The following CEP152 variants were observed in gnomAD, a reference collection of about 807,000 sequenced individuals.
The protein encoded by CEP152 is centrosomal protein of 152 kDa.
Under a neutral mutation model 188.9 loss-of-function variants are expected in CEP152, and 132 were observed. The ratio of observed to expected loss-of-function variants is 0.70; its 90% CI spans 0.61 to 0.81. The LOEUF is 0.81. Ranked by LOEUF, CEP152 falls within the 30% of genes least tolerant of loss-of-function variation. The pLI is 0.00. For synonymous variants in CEP152, 649 were observed against 666.6 expected (o/e 0.97, Z 0.41); for missense variants, 1,914 against 1,969.8 (o/e 0.97, Z 0.54).
At chr15:48,777,709 A>C (rs528968729) in intron 12 of CEP152, among the ~76,000 whole-genome samples, 1 of 152,268 alleles carries the variant, frequency 6.6e-6, no homozygotes, top group South Asian at 2.1e-4. Flanking sequence ...GAAATATAAA[A>C]TATTTTACAA....
At chr15:48,729,360 A>G (rs1251073331) in intron 2 of CEP152, 4 of 152,158 alleles carry the variant, frequency 2.6e-5, no homozygotes, top group African/African-American at 9.7e-5. Flanking sequence ...ACATAGCGAG[A>G]CACTGTGTCT....
chr15:48,747,013 G>C (rs1278417431), intron 22 of CEP152, among the ~76,000 whole-genome samples: 1 of 152,208 alleles, frequency 6.6e-6, no homozygotes, highest in Non-Finnish European at 1.5e-5. Flanking sequence ...CAAGGTTGAA[G>C]GGGCTGGCAG....
Position 48,783,871 on chromosome 15 carries a change from T to G in CEP152, c.1321+102A>C, listed in dbSNP as rs1222510713. 36 of 1,156,524 alleles carry G rather than the reference T, an allele frequency of 3.1e-5. No homozygotes were observed. The East Asian group carries it at 8.4e-4, about 27-fold the overall frequency. 71.6% of individuals were successfully genotyped at this position (1,156,524 alleles called of 1,614,324 possible). A position where few individuals can be genotyped will look rare whatever the true frequency, so the allele number is the denominator to read the frequency against. On this transcript the variant is annotated intron_variant, in intron 10 of 26. Coordinates refer to ENST00000380950, the MANE Select transcript of CEP152 (RefSeq NM_001194998.2). ...TAAAGAAATTTATTGCTGATTGTGT[T>G]TTCTGTCCCTTCTGGATTTTTACAA... is the stretch of plus-strand genomic sequence containing the variant.
intron 2 of CEP152, chr15:48,729,765 T>C (rs538233078): frequency 3.3e-5 from 5 of 152,250 alleles, no homozygotes; most frequent in African/African-American, 9.6e-5. Context: ...TACATATGTA[T>C]ATTTACAGAC....
chr15:48,744,597 ATATC>A (rs1893271376), intron 23 of CEP152, among the ~76,000 whole-genome samples: 1 of 152,188 alleles, frequency 6.6e-6, no homozygotes, highest in Non-Finnish European at 1.5e-5. Context: ...ATGTAGGAGA[ATATC>A]TAATAACATG....
At chr15:48,783,950 C>G (rs749941699) in intron 10 of CEP152, 23 bp downstream of exon 10, 2 of 1,613,432 alleles carry the variant, frequency 1.2e-6, no homozygotes, top group South Asian at 2.2e-5. Flanking sequence ...TCTGGGGAGA[C>G]AGTGGACCTA....
At chr15:48,753,681 G>C (rs1894053458) in intron 20 of CEP152, among the ~76,000 whole-genome samples, 1 of 152,120 alleles carries the variant, frequency 6.6e-6, no homozygotes, top group African/African-American at 2.4e-5. Context: ...AGGGAGAAAA[G>C]CAACAACCTT....
intron 7 of CEP152, among the ~76,000 whole-genome samples, chr15:48,792,806 C>T (rs967055945): frequency 1.3e-5 from 2 of 151,470 alleles, no homozygotes; most frequent in African/African-American, 4.8e-5. Flanking sequence ...TATAGGGACT[C>T]CAAAATAGAG....
At position 48,739,124 on chromosome 15, in the gene CEP152, G is replaced by A. The variant is rs772898403; in HGVS notation, c.4258C>T (p.Gln1420Ter). Reference sequence around the variant, plus strand: ...TGCTCTGAGTTCTCTAACAGCCTTTGTAAGTTACAAGCTGCCCTCCTCTTG... The same window carrying A: ...TGCTCTGAGTTCTCTAACAGCCTTTATAAGTTACAAGCTGCCCTCCTCTTG... ...APKRRAACNL[Q>*]RLLENSEHQS... The change falls in exon 27 of 27, where the codon CAA becomes TAA. Residue 1420 changes from glutamine (Q) to a stop codon, truncating the protein, a stop_gained. Transcript: ENST00000380950. LOFTEE classifies it low-confidence loss of function (END_TRUNC). The A allele has an allele frequency of 6.2e-7, 1 of 1,614,204 alleles. No individual in the cohort carries two copies. Among genetic ancestry groups the A allele is most frequent in the South Asian group, 1.1e-5 (1 of 91,086 alleles).
At chr15:48,760,412 C>T in intron 18 of CEP152, 146 bp from the exon 19 acceptor site, 1 of 917,776 alleles carries the variant, frequency 1.1e-6, no homozygotes, top group Non-Finnish European at 1.7e-6. Flanking sequence ...CCCTACCTAT[C>T]CCAAACAGTG....
At position 48,769,156 on chromosome 15, in the gene CEP152, T is replaced by A; in HGVS notation, c.1783-75A>T. On this transcript the variant is annotated intron_variant, in intron 13 of 26. Coordinates refer to ENST00000380950, the MANE Select transcript of CEP152 (RefSeq NM_001194998.2). ...TTCACTTTGAAATACTTCCATACTT[T>A]AAAAAAATTGCAAACAGTACAAATA... 3.9e-6 allele frequency: 5 copies of A among 1,267,792 alleles called. No individual in the cohort carries two copies. In the East Asian group the frequency reaches 1.2e-4, roughly 30 times the overall value. The allele number at this position is 1,267,792 out of a possible 1,614,324, so 78.5% of individuals were successfully genotyped here. A position where few individuals can be genotyped will look rare whatever the true frequency, so the allele number is the denominator to read the frequency against.
chr15:48,746,738 T>C (rs191305973), intron 22 of CEP152, among the ~76,000 whole-genome samples: 1 of 152,266 alleles, frequency 6.6e-6, no homozygotes. Flanking sequence ...CTATAAAGAC[T>C]ACACTCCAAA....
In CEP152 at chr15:48,752,476, TA is replaced by T. The variant is rs775546461; in HGVS notation, c.3346-8del. ...AGAGCTCGGCCATATTTCTCTGAAA[TA>T]AAGTATCTTCAAAGTTAATGCTTAG... On this transcript the variant is annotated splice_polypyrimidine_tract_variant and splice_region_variant and intron_variant, in intron 20 of 26. Coordinates refer to ENST00000380950, the MANE Select transcript of CEP152 (RefSeq NM_001194998.2). The T allele has an allele frequency of 1.2e-6, 2 of 1,613,056 alleles. No individual in the cohort carries two copies. The highest frequency in any genetic ancestry group is 3.3e-5 in the Admixed American group (2 of 60,026).
At chr15:48,762,989 T>TAA (rs11424282) in intron 17 of CEP152, among the ~76,000 whole-genome samples, 14 of 147,514 alleles carry the variant, frequency 9.5e-5, no homozygotes, top group East Asian at 5.9e-4. Flanking sequence ...TGGCAGGATT[T>TAA]AAAAAAAAAA....
At position 48,744,264 on chromosome 15, in the gene CEP152, TGTAC is replaced by T; in HGVS notation, c.3807_3810del (p.Tyr1270LeufsTer4). The T allele has an allele frequency of 6.2e-7, 1 of 1,614,100 alleles. No homozygotes were observed. Among genetic ancestry groups the T allele is most frequent in the Non-Finnish European group, 8.5e-7 (1 of 1,179,982 alleles). On this transcript the variant is annotated frameshift_variant, in exon 24 of 27. Transcript: ENST00000380950. LOFTEE classifies it high-confidence loss of function. ...CATTTAATTTTTTTTACAGCTTTAA[TGTAC>T]TGCCCACGAAGTTCTTCCAAGGCTC...
chr15:48,771,179 C>A (rs1352453435), intron 13 of CEP152, among the ~76,000 whole-genome samples: 2 of 152,140 alleles, frequency 1.3e-5, no homozygotes, highest in Admixed American at 6.5e-5. Context: ...CCCTAAAGAT[C>A]TCTGTGATAG....
intron 2 of CEP152, among the ~76,000 whole-genome samples, chr15:48,803,238 A>G (rs748269188): frequency 7.2e-5 from 11 of 152,248 alleles, no homozygotes; most frequent in Non-Finnish European, 1.2e-4. Context: ...CCAGGTAGAC[A>G]GGATAAAACA....
chr15:48,758,557 A>G (rs991236338), intron 19 of CEP152, among the ~76,000 whole-genome samples: 1 of 151,934 alleles, frequency 6.6e-6, no homozygotes, highest in African/African-American at 2.4e-5. Context: ...CATCTCTACT[A>G]AAAATACAAA....
At chr15:48,758,291 T>C (rs949530955) in intron 19 of CEP152, among the ~76,000 whole-genome samples, 1 of 152,218 alleles carries the variant, frequency 6.6e-6, no homozygotes, top group Non-Finnish European at 1.5e-5. Flanking sequence ...GAACCGGCCC[T>C]TTCTGGACCT....
Sources: allele counts gnomAD v4.1 joint callset (sites outside exome capture counted in the v4.1 genomes callset), GRCh38; gene constraint gnomAD v4.1.1; transcripts MANE v1.5; gene names NCBI Gene and HGNC (gene_info 2026-07-23, HGNC 2026-07-21).